DOK7: variants seen among roughly 807,000 people sequenced by gnomAD.
The protein encoded by DOK7 is protein Dok-7.
In DOK7, 32 loss-of-function variants were observed where a neutral mutation model predicts 30.7. That is an observed-to-expected ratio of 1.04 (90% CI 0.79 to 1.40). DOK7 has a LOEUF of 1.40. Among genes scored for constraint, DOK7 ranks in the 40% most tolerant of loss-of-function variants. The probability of loss-of-function intolerance (pLI) is 0.00; values close to 1 mark genes in which losing one functional copy is unlikely to be tolerated. For missense variants in DOK7, 1,007 were observed against 699.2 expected (o/e 1.44, Z -4.97); for synonymous variants, 447 against 324.1 (o/e 1.38, Z -4.07).
chr4:3,477,862 C>T (rs946256334), intron 4 of DOK7, among the ~76,000 whole-genome samples: 2 of 152,136 alleles, frequency 1.3e-5, no homozygotes, highest in Non-Finnish European at 2.9e-5. Flanking sequence ...CCCGGGAGAG[C>T]TAGGACACCT....
Position 3,463,456 on chromosome 4 carries a change from G to GT in DOK7, c.54+27_54+28insT, listed in dbSNP as rs1282356351. 10 of 1,421,588 alleles carry GT rather than the reference G, an allele frequency of 7.0e-6. No individual in the cohort carries two copies. The highest frequency in any genetic ancestry group is 3.0e-5 in the African/African-American group (2 of 65,998). 88.1% of individuals were successfully genotyped at this position (1,421,588 alleles called of 1,614,324 possible). On this transcript the variant is annotated intron_variant, in intron 1 of 6. Coordinates refer to ENST00000340083, the MANE Select transcript of DOK7 (RefSeq NM_173660.5). ...TCGGGGCGCGTCGGGGGCGCGGGGG[G>GT]GGGGGGCGCGGGCGCGGGCGGCGGC...
rs767980190 is a variant in DOK7 at position 3,493,431 on chromosome 4, C to T, written c.1445C>T (p.Ala482Val). The T allele has an allele frequency of 1.4e-4, 221 of 1,603,778 alleles. 1 individual carries two copies. The highest frequency in any genetic ancestry group is 5.1e-4 in the Admixed American group (30 of 59,058). ...CCCTGGGAAGCAGGCGGCCCCCACG[C>T]GGGGCCACCCCCGGCTTTCTTTTCG... ...GEPWEAGGPHAGPPPAFFSAC... is the reference protein window; with the variant it reads ...GEPWEAGGPHVGPPPAFFSAC... The change falls in exon 7 of 7, where the codon GCG becomes GTG. Residue 482 changes from alanine (A) to valine (V), a missense_variant. Physicochemically the swap from Ala to Val is moderately conservative, Grantham distance 64. Transcript: ENST00000340083.
rs11733064 is a variant in DOK7 at position 3,493,556 on chromosome 4, C to G, written c.*55C>G. The G allele has an allele frequency of 0.37, 583,631 of 1,585,378 alleles. 110,110 individuals are homozygous for G. Among genetic ancestry groups the G allele is most frequent in the South Asian group, 0.44 (39,009 of 87,816 alleles). On this transcript the variant is annotated 3_prime_UTR_variant, in exon 7 of 7. Transcript: ENST00000340083. Reference sequence around the variant, plus strand: ...AGGGGCTGAATTTGCCCCCAGATGGCAGAGGAAGTGGCGCCAGCCTCCTTG... The same window carrying G: ...AGGGGCTGAATTTGCCCCCAGATGGGAGAGGAAGTGGCGCCAGCCTCCTTG...
exon 7 of DOK7, chr4:3,500,294 G>A (rs1729125872): frequency 6.5e-7 from 1 of 1,535,952 alleles, no homozygotes; most frequent in African/African-American, 1.4e-5. Context: ...GACCAGAGAG[G>A]CCGCGCGGCG....
rs1412557965 is a variant in DOK7, at chr4:3,491,226, C to T, written c.772+1430C>T. 4.2e-4 allele frequency among the ~76,000 whole-genome samples: 48 copies of T among 113,238 alleles called. 1 individual carries two copies. The highest frequency in any genetic ancestry group is 1.5e-3 in the African/African-American group (43 of 28,114). The allele number at this position is 113,238 out of a possible 152,430, so 74.3% of individuals were successfully genotyped here. A position where few individuals can be genotyped will look rare whatever the true frequency, so the allele number is the denominator to read the frequency against. ...TCCCCCCTGCTCATTCCTTCCTTCT[C>T]CCGCTGCTCTTTCATTCCTTCTCCC... On this transcript the variant is annotated intron_variant, in intron 6 of 6. Transcript: ENST00000340083.
intron 4 of DOK7, chr4:3,484,459 T>C (rs1057512205): frequency 4.1e-6 from 4 of 982,294 alleles, no homozygotes; most frequent in Non-Finnish European, 4.8e-6. Flanking sequence ...CTTTGGGCAA[T>C]GGGCAGAGGC....
downstream of DOK7, among the ~76,000 whole-genome samples, chr4:3,497,520 C>A (rs1480458598): frequency 6.6e-6 from 1 of 152,112 alleles, no homozygotes; most frequent in African/African-American, 2.4e-5. Context: ...GGCTGAGAGG[C>A]TGGAGATGAG....
intron 2 of DOK7, among the ~76,000 whole-genome samples, chr4:3,469,112 ATG>A (rs1726578672): frequency 7.5e-6 from 1 of 133,662 alleles, no homozygotes; most frequent in Non-Finnish European, 1.5e-5. Context: ...GCGTGCATGT[ATG>A]TGTGCACACA....
At chr4:3,487,916 C>T (rs1727920202) in intron 5 of DOK7, among the ~76,000 whole-genome samples, 1 of 152,212 alleles carries the variant, frequency 6.6e-6, no homozygotes, top group African/African-American at 2.4e-5. Context: ...CTCAGTGCAC[C>T]AAGGAGCCAG....
At chr4:3,490,204 CTCAT>C (rs1728166955) in intron 6 of DOK7, among the ~76,000 whole-genome samples, 1 of 75,642 alleles carries the variant, frequency 1.3e-5, no homozygotes, top group Non-Finnish European at 2.5e-5. Flanking sequence ...TCCTTCCCCC[CTCAT>C]TCATTCCTGT....
exon 8 of DOK7, chr4:3,500,773 C>T: frequency 1.3e-6 from 2 of 1,534,568 alleles, no homozygotes; most frequent in Non-Finnish European, 1.7e-6. Context: ...CACGCACGGG[C>T]CCGGGAGGAG....
intron 2 of DOK7, among the ~76,000 whole-genome samples, chr4:3,465,767 A>G (rs987309143): frequency 6.6e-6 from 1 of 152,122 alleles, no homozygotes; most frequent in African/African-American, 2.4e-5. Context: ...ACGTTCCTCA[A>G]TGTCTCCACC....
At chr4:3,484,846 G>C (rs1258269296) in intron 4 of DOK7, 37 of 985,488 alleles carry the variant, frequency 3.8e-5, no homozygotes, top group Non-Finnish European at 4.5e-5. Context: ...GTGGGCAGGT[G>C]CCGTGCCACA....
chr4:3,489,686 C>A lies in DOK7; in HGVS notation c.662C>A (p.Pro221His). 6.4e-7 allele frequency: 1 copy of A among 1,565,698 alleles called. No individual in the cohort carries two copies. The highest frequency in any genetic ancestry group is 1.2e-5 in the South Asian group (1 of 85,160). The stretch of plus-strand genomic sequence containing the variant: ...CTTCTCTCTGCCACAGACCCAAGTC[C>A]CCCGGGACCCTCGACTGTGGAGGAG... ...GLRPVLPDPS[P>H]PGPSTVEERV... The change falls in exon 6 of 7, where the codon CCC (proline) becomes CAC (histidine). Residue 221 changes from proline to histidine, a missense_variant. Transcript: ENST00000340083.
chr4:3,490,983 C>CTGCTCATTCATTCCTTCCT (rs1229164876), intron 6 of DOK7, among the ~76,000 whole-genome samples: 16 of 93,790 alleles, frequency 1.7e-4, no homozygotes, highest in Non-Finnish European at 3.6e-4. Context: ...CATTTCCCTC[C>CTGCTCATTCATTCCTTCCT]TGCTCATTCA....
At chr4:3,473,723 C>A in intron 3 of DOK7, 87 bp downstream of exon 3, 1 of 1,275,084 alleles carries the variant, frequency 7.8e-7, no homozygotes, top group African/African-American at 1.5e-5. Context: ...GAGGTGGGAG[C>A]GGCTCCAGGG....
downstream of DOK7, chr4:3,496,782 A>T (rs946238915): frequency 1.2e-5 from 19 of 1,534,460 alleles, no homozygotes; most frequent in Non-Finnish European, 1.4e-5. Context: ...TGAGGGGAAG[A>T]CTGAAGGATG....
intron 2 of DOK7, among the ~76,000 whole-genome samples, chr4:3,471,041 G>A (rs1463159606): frequency 6.6e-6 from 1 of 152,238 alleles, no homozygotes. Flanking sequence ...TGAGGCCCTC[G>A]AGGTGGAAGG....
At chr4:3,490,088 T>TCATTCATCCCTTTCTTCACCCC (rs1728124356) in intron 6 of DOK7, among the ~76,000 whole-genome samples, 1 of 30,070 alleles carries the variant, frequency 3.3e-5, no homozygotes, top group African/African-American at 2.0e-4. Context: ...CTTCACCCCC[T>TCATTCATCCCTTTCTTCACCCC]CATTCATTCC....
Sources: allele counts gnomAD v4.1 joint callset (sites outside exome capture counted in the v4.1 genomes callset), GRCh38; gene constraint gnomAD v4.1.1; transcripts MANE v1.5; gene names NCBI Gene and HGNC (gene_info 2026-07-23, HGNC 2026-07-21).